ARL15: variants seen among roughly 807,000 people sequenced by gnomAD.
ARL15 encodes ADP-ribosylation factor-like protein 15.
In ARL15, 19 loss-of-function variants were observed where a neutral mutation model predicts 25.2. The ratio of observed to expected loss-of-function variants is 0.75; its 90% CI spans 0.53 to 1.10. The LOEUF is 1.10. Ranked by LOEUF, ARL15 falls within the 50% of genes least tolerant of loss-of-function variation. The pLI is 0.00. For missense variants in ARL15, 220 were observed against 246.0 expected (o/e 0.89, Z 0.71); for synonymous variants, 94 against 86.8 (o/e 1.08, Z -0.46).
chr5:54,043,353 CA>C (rs2111955533), intron 4 of ARL15, among the ~76,000 whole-genome samples: 1 of 152,246 alleles, frequency 6.6e-6, no homozygotes, highest in East Asian at 1.9e-4. Flanking sequence ...AGCAGGCTCT[CA>C]ATAAGGCTCT....
intron 3 of ARL15, among the ~76,000 whole-genome samples, chr5:54,145,958 C>G (rs1421235408): frequency 6.6e-6 from 1 of 152,104 alleles, no homozygotes. Context: ...TTTGTCTCAT[C>G]TGTCCCTTTT....
intron 1 of ARL15, among the ~76,000 whole-genome samples, chr5:54,223,220 A>T (rs1342244947): frequency 1.3e-5 from 2 of 152,096 alleles, no homozygotes; most frequent in Non-Finnish European, 2.9e-5. Context: ...ATGTAAAAAA[A>T]AAACTACTTA....
chr5:54,182,454 G>C (rs1022453997), intron 1 of ARL15, among the ~76,000 whole-genome samples: 9 of 151,296 alleles, frequency 5.9e-5, no homozygotes, highest in African/African-American at 9.7e-5. Flanking sequence ...AGATCAGATA[G>C]TTGTAGGTAT....
intron 1 of ARL15, among the ~76,000 whole-genome samples, chr5:54,299,584 C>CTTTTTTTTTT (rs752417066): frequency 1.1e-4 from 9 of 79,552 alleles, no homozygotes; most frequent in African/African-American, 2.0e-4. Flanking sequence ...TAGCTATTAG[C>CTTTTTTTTTT]TTTTTTTTTT....
intron 3 of ARL15, among the ~76,000 whole-genome samples, chr5:54,114,406 G>GGAAAAAAAAAAA (rs1342951039): frequency 1.3e-5 from 1 of 74,478 alleles, no homozygotes; most frequent in Non-Finnish European, 2.3e-5. Flanking sequence ...TCCATCTCAA[G>GGAAAAAAAAAAA]AAAAAAAAAA....
At chr5:54,058,131 G>T (rs1314127125) in intron 4 of ARL15, among the ~76,000 whole-genome samples, 1 of 151,562 alleles carries the variant, frequency 6.6e-6, no homozygotes, top group African/African-American at 2.4e-5. Flanking sequence ...TCAGCCTCCC[G>T]AGTAGCTGGG....
intron 3 of ARL15, among the ~76,000 whole-genome samples, chr5:54,138,212 G>A (rs959523070): frequency 1.3e-5 from 2 of 152,096 alleles, no homozygotes; most frequent in Non-Finnish European, 2.9e-5. Flanking sequence ...CAGGTACAGT[G>A]GCTCATGCCT....
intron 4 of ARL15, among the ~76,000 whole-genome samples, chr5:54,080,500 T>C (rs998472753): frequency 2.0e-4 from 30 of 152,164 alleles, no homozygotes; most frequent in Admixed American, 1.0e-3. Context: ...TTGTATCATG[T>C]TCTCATCATC....
At chr5:53,904,877 G>T (rs972222431) in intron 4 of ARL15, among the ~76,000 whole-genome samples, 1 of 151,624 alleles carries the variant, frequency 6.6e-6, no homozygotes, top group African/African-American at 2.4e-5. Context: ...ACAGGTGCCT[G>T]CCACCATGCC....
intron 4 of ARL15, among the ~76,000 whole-genome samples, chr5:53,916,857 G>A (rs928074727): frequency 6.6e-6 from 1 of 152,100 alleles, no homozygotes; most frequent in Non-Finnish European, 1.5e-5. Context: ...AACATTTGAT[G>A]TTTTATCATT....
intron 1 of ARL15, among the ~76,000 whole-genome samples, chr5:54,195,144 T>A (rs899656003): frequency 6.6e-6 from 1 of 152,156 alleles, no homozygotes; most frequent in African/African-American, 2.4e-5. Flanking sequence ...CTACATTCTG[T>A]ACTCTCAAAA....
At chr5:54,282,498 C>A in intron 1 of ARL15, 1 of 985,384 alleles carries the variant, frequency 1.0e-6, no homozygotes, top group Non-Finnish European at 1.2e-6. Flanking sequence ...AGCTCAAAGA[C>A]AGGGATAATA....
At chr5:54,050,887 A>C (rs531605143) in intron 4 of ARL15, among the ~76,000 whole-genome samples, 3 of 152,236 alleles carry the variant, frequency 2.0e-5, no homozygotes, top group African/African-American at 7.2e-5. Flanking sequence ...TCCTTTCCCT[A>C]TGTTAACTTT....
At chr5:53,973,997 A>G (rs1234689632) in intron 4 of ARL15, among the ~76,000 whole-genome samples, 1 of 152,124 alleles carries the variant, frequency 6.6e-6, no homozygotes, top group Non-Finnish European at 1.5e-5. Context: ...AAAGAAGACA[A>G]GAGACTAATA....
chr5:53,923,821 C>T (rs763551499), intron 4 of ARL15, among the ~76,000 whole-genome samples: 29 of 151,946 alleles, frequency 1.9e-4, no homozygotes, highest in Non-Finnish European at 3.2e-4. Context: ...GCCGAGGTTG[C>T]GCCACTGCAC....
At chr5:54,289,600 TG>T (rs531672737) in intron 1 of ARL15, among the ~76,000 whole-genome samples, 17 of 151,624 alleles carry the variant, frequency 1.1e-4, no homozygotes, top group Non-Finnish European at 2.2e-4. Flanking sequence ...GAAGCAGTTC[TG>T]GGAGACATTA....
At position 53,887,293 on chromosome 5, in the gene ARL15, T is replaced by C. The variant is rs376276681; in HGVS notation, c.463-580A>G. On this transcript the variant is annotated intron_variant, in intron 4 of 4. Transcript: ENST00000504924. Reference sequence around the variant, plus strand: ...GGAAAGAGGATAGAAACTGCATGTATGTATGTTTGTATGCATATACACACT... The same window carrying C: ...GGAAAGAGGATAGAAACTGCATGTACGTATGTTTGTATGCATATACACACT... 7.3e-6 allele frequency: 5 copies of C among 681,172 alleles called. No individual in the cohort carries two copies. In the East Asian group the frequency reaches 1.4e-4, roughly 19 times the overall value. 42.2% of individuals were successfully genotyped at this position (681,172 alleles called of 1,614,324 possible).
At chr5:54,230,996 G>C (rs912671104) in intron 1 of ARL15, among the ~76,000 whole-genome samples, 1 of 151,474 alleles carries the variant, frequency 6.6e-6, no homozygotes. Context: ...TTTTTACCTA[G>C]ATCAGTAGCC....
At chr5:54,054,016 T>G (rs899050381) in intron 4 of ARL15, among the ~76,000 whole-genome samples, 2 of 152,212 alleles carry the variant, frequency 1.3e-5, no homozygotes, top group Non-Finnish European at 2.9e-5. Context: ...ACTATCTTTG[T>G]AATAATTCTG....
Sources: gnomAD v4.1 joint callset for allele counts (sites outside exome capture counted in the v4.1 genomes callset) on GRCh38, gnomAD v4.1.1 for gene constraint, MANE v1.5 for transcripts, NCBI Gene and HGNC (gene_info 2026-07-23, HGNC 2026-07-21) for gene names.